ZBED3: variants seen among roughly 807,000 people sequenced by gnomAD.
The protein encoded by ZBED3 is zinc finger BED domain-containing protein 3.
For synonymous variants in ZBED3, 175 were observed against 180.0 expected (o/e 0.97, Z 0.22); for missense variants, 388 against 362.9 (o/e 1.07, Z -0.56).
At chr5:77,084,838 C>T (rs888236098) in intron 1 of ZBED3, among the ~76,000 whole-genome samples, 2 of 152,212 alleles carry the variant, frequency 1.3e-5, no homozygotes, top group African/African-American at 4.8e-5. Flanking sequence ...TCCAGTTCCT[C>T]AGTTGTATAA....
intron 1 of ZBED3, chr5:77,086,737 C>A (rs1743249672): frequency 6.6e-6 from 1 of 152,218 alleles, no homozygotes; most frequent in Admixed American, 6.5e-5. Context: ...GTCCCAGTTA[C>A]AGAAAGAACC....
In ZBED3 at chr5:77,074,549, T is replaced by TG. The variant is rs1742938244; in HGVS notation, c.*2624dup. On this transcript the variant is annotated 3_prime_UTR_variant, in exon 3 of 3. Transcript: ENST00000255198. ...TACAAAATGGGCATAGTAGCACCTA[T>TG]GTCATAGGGTTGCTTTATGGCAGGT... 2.6e-5 allele frequency: 4 copies of TG among 152,346 alleles called. No individual in the cohort carries two copies. In the South Asian group the frequency reaches 8.3e-4, roughly 32 times the overall value. The allele number at this position is 152,346 out of a possible 1,614,324, so 9.4% of individuals were successfully genotyped here. A position where few individuals can be genotyped will look rare whatever the true frequency, so the allele number is the denominator to read the frequency against.
At position 77,074,130 on chromosome 5, in the gene ZBED3, CAGGATAGGGCATATGT is replaced by C. The variant is rs1197691986; in HGVS notation, c.*3028_*3043del. ...GGAAGAACAGAGTCCAATTTGGCTG[CAGGATAGGGCATATGT>C]AGGGGAGGGGATAAGACTGGCATGG... On this transcript the variant is annotated 3_prime_UTR_variant, in exon 3 of 3. Coordinates refer to ENST00000255198, the MANE Select transcript of ZBED3 (RefSeq NM_032367.4). 6.6e-6 allele frequency: 1 copy of C among 152,058 alleles called. No homozygotes were observed. The highest frequency in any genetic ancestry group is 1.5e-5 in the Non-Finnish European group (1 of 68,056). The allele number at this position is 152,058 out of a possible 1,614,324, so 9.4% of individuals were successfully genotyped here.
At chr5:77,080,374 G>C (rs574563947) in intron 1 of ZBED3, 2 of 424,716 alleles carry the variant, frequency 4.7e-6, no homozygotes, top group South Asian at 1.8e-5. Flanking sequence ...CACTGACTTC[G>C]ATGTCTTAAT....
Position 77,075,829 on chromosome 5 carries a change from G to A in ZBED3, c.*1345C>T, listed in dbSNP as rs964536326. On this transcript the variant is annotated 3_prime_UTR_variant, in exon 3 of 3. Coordinates refer to ENST00000255198, the MANE Select transcript of ZBED3 (RefSeq NM_032367.4). The stretch of plus-strand genomic sequence containing the variant: ...TTTCAAGGGAGAGATTAAGCAAAAT[G>A]AAGGCTGCAAATAGATCATCATATT... 4 of 150,286 alleles carry A rather than the reference G, an allele frequency of 2.7e-5. No homozygotes were observed. The highest frequency in any genetic ancestry group is 5.9e-5 in the Non-Finnish European group (4 of 67,666). 9.3% of individuals were successfully genotyped at this position (150,286 alleles called of 1,614,324 possible).
At position 77,072,538 on chromosome 5, in the gene ZBED3, A is replaced by T. The variant is rs1175261491; in HGVS notation, c.*4636T>A. 2 of 152,224 alleles carry T rather than the reference A, an allele frequency of 1.3e-5. No individual in the cohort carries two copies. The highest frequency in any genetic ancestry group is 2.9e-5 in the Non-Finnish European group (2 of 68,048). The allele number at this position is 152,224 out of a possible 1,614,324, so 9.4% of individuals were successfully genotyped here. On this transcript the variant is annotated 3_prime_UTR_variant, in exon 3 of 3. Transcript: ENST00000255198. ...AGAAATGTTGAAGCATTTTGGGAAT[A>T]ACTGTATAGTCTTCCAGGTCTTCTA...
intron 2 of ZBED3, among the ~76,000 whole-genome samples, chr5:77,078,118 C>G (rs1045584444): frequency 6.6e-6 from 1 of 152,188 alleles, no homozygotes; most frequent in African/African-American, 2.4e-5. Context: ...ACTAGGAATC[C>G]TCTTTGAAAT....
chr5:77,083,753 C>A (rs1743177950), intron 1 of ZBED3, among the ~76,000 whole-genome samples: 1 of 152,114 alleles, frequency 6.6e-6, no homozygotes, highest in African/African-American at 2.4e-5. Context: ...GAATTGACTA[C>A]AAAGAGCAAA....
In ZBED3 at chr5:77,081,342, T is replaced by C. The variant is rs568180323; in HGVS notation, c.-152-2614A>G. Among the ~76,000 whole-genome samples the C allele has an allele frequency of 1.1e-3, 161 of 146,068 alleles. 4 individuals carry two copies. Among genetic ancestry groups the C allele is most frequent in the South Asian group, 4.5e-3 (21 of 4,714 alleles). ...GGCCATTTCTTTTCTTTCTTTCTTT[T>C]TTTTTTTTTTTTAATTTTTTTTAAG... On this transcript the variant is annotated intron_variant, in intron 1 of 2. Transcript: ENST00000255198.
In ZBED3 at chr5:77,077,786, C is replaced by A. The variant is rs977356112; in HGVS notation, c.93G>T (p.Pro31=). ...GGCCGGGAGGCGTCGGCGTCGGCGC[C>A]GGCCCCAGTCCCGGACACTGACCGC... ...ARGGQCPGLG[P]APTPTPPGRL... Residue 31 remains proline, a synonymous_variant, in exon 3 of 3, where the codon CCG becomes CCT. Transcript: ENST00000255198. 6.1e-6 allele frequency: 8 copies of A among 1,317,006 alleles called. No individual in the cohort carries two copies. The African/African-American group carries it at 1.1e-4, about 18-fold the overall frequency. 81.6% of individuals were successfully genotyped at this position (1,317,006 alleles called of 1,614,324 possible).
Position 77,077,487 on chromosome 5 carries a change from C to T in ZBED3, c.392G>A (p.Arg131His), listed in dbSNP as rs1214598709. ...PAAAPEGDWA[R>H]LLEQMGALAV... Reference sequence around the variant, plus strand: ...CAGCGCGCCCATCTGTTCCAGCAGGCGCGCCCAGTCGCCCTCGGGGGCCGC... The same window carrying T: ...CAGCGCGCCCATCTGTTCCAGCAGGTGCGCCCAGTCGCCCTCGGGGGCCGC... Residue 131 changes from arginine (R) to histidine (H), a missense_variant, in exon 3 of 3, where the codon CGC (arginine) becomes CAC (histidine). By Grantham distance (29) the Arg-to-His change is conservative. Coordinates refer to ENST00000255198, the MANE Select transcript of ZBED3 (RefSeq NM_032367.4). 5 of 1,187,626 alleles carry T rather than the reference C, an allele frequency of 4.2e-6. No homozygotes were observed. In the East Asian group the frequency reaches 1.1e-4, roughly 27 times the overall value. The allele number at this position is 1,187,626 out of a possible 1,614,324, so 73.6% of individuals were successfully genotyped here.
chr5:77,080,519 T>C, intron 1 of ZBED3: 1 of 519,094 alleles, frequency 1.9e-6, no homozygotes, highest in Admixed American at 1.9e-5. Flanking sequence ...TTGGAGGTCT[T>C]AACCGGTGGA....
At position 77,077,744 on chromosome 5, in the gene ZBED3, G is replaced by C; in HGVS notation, c.135C>G (p.Tyr45Ter). The C allele has an allele frequency of 7.5e-7, 1 of 1,333,744 alleles. No individual in the cohort carries two copies. The highest frequency in any genetic ancestry group is 1.9e-5 in the South Asian group (1 of 51,836). 82.6% of individuals were successfully genotyped at this position (1,333,744 alleles called of 1,614,324 possible). Residue 45 changes from tyrosine to a stop codon, truncating the protein, a stop_gained, in exon 3 of 3, where the codon TAC becomes TAG. Transcript: ENST00000255198. LOFTEE classifies it low-confidence loss of function (END_TRUNC). Reference sequence around the variant, plus strand: ...GGTGGAAGTAGCCCCAGGCCTCGGAGTATGGCGCCCCCAGGCGGCCGGGAG... The same window carrying C: ...GGTGGAAGTAGCCCCAGGCCTCGGACTATGGCGCCCCCAGGCGGCCGGGAG... The part of the protein sequence containing the change: ...PTPPGRLGAP[Y>*]SEAWGYFHLA...
chr5:77,086,641 GA>G, intron 1 of ZBED3: 1 of 150,276 alleles, frequency 6.7e-6, no homozygotes, highest in East Asian at 2.0e-4. Flanking sequence ...TGGGGGCCAT[GA>G]GGGGTGGGGG....
In ZBED3 at chr5:77,077,363, C is replaced by T. The variant is rs1743035539; in HGVS notation, c.516G>A (p.Gln172=). Reference sequence around the variant, plus strand: ...CCTGGGCCGCGGCGCGCTCTTCCTCCTGCAGCGCCCTCCGCCTCCGCTCCA... The same window carrying T: ...CCTGGGCCGCGGCGCGCTCTTCCTCTTGCAGCGCCCTCCGCCTCCGCTCCA... ...RALERRRRAL[Q]EEERAAAQAR... The change falls in exon 3 of 3, where the codon CAG becomes CAA. Residue 172 remains glutamine, a synonymous_variant. Transcript: ENST00000255198. 1.6e-6 allele frequency: 2 copies of T among 1,256,082 alleles called. No homozygotes were observed. The highest frequency in any genetic ancestry group is 1.0e-6 in the Non-Finnish European group (1 of 1,003,176). 77.8% of individuals were successfully genotyped at this position (1,256,082 alleles called of 1,614,324 possible). A position where few individuals can be genotyped will look rare whatever the true frequency, so the allele number is the denominator to read the frequency against.
At chr5:77,080,652 C>T (rs1743109829) in intron 1 of ZBED3, 4 of 505,974 alleles carry the variant, frequency 7.9e-6, no homozygotes, top group East Asian at 5.5e-5. Context: ...GGCCACAGGC[C>T]GTAACAGCCT....
chr5:77,082,578 C>T (rs1743150945), intron 1 of ZBED3, among the ~76,000 whole-genome samples: 1 of 152,178 alleles, frequency 6.6e-6, no homozygotes, highest in South Asian at 2.1e-4. Flanking sequence ...AAGAGAGATG[C>T]AGAAGAGTGT....
rs974730548 is a variant in ZBED3, at chr5:77,087,249, T to G, written c.-291A>C. 2 of 152,332 alleles carry G rather than the reference T, an allele frequency of 1.3e-5. No individual in the cohort carries two copies. Among genetic ancestry groups the G allele is most frequent in the African/African-American group, 4.8e-5 (2 of 41,466 alleles). The allele number at this position is 152,332 out of a possible 1,614,324, so 9.4% of individuals were successfully genotyped here. A position where few individuals can be genotyped will look rare whatever the true frequency, so the allele number is the denominator to read the frequency against. On this transcript the variant is annotated 5_prime_UTR_variant, in exon 1 of 3. An upstream start codon of the reference 5' UTR is lost. Coordinates refer to ENST00000255198, the MANE Select transcript of ZBED3 (RefSeq NM_032367.4). ...TGCCCCTTAAAGACACAGCGCTGCA[T>G]TCACACGTCTGCGGGGAAAGGGGGG...
At chr5:77,087,054 G>C (rs1373555167) in intron 1 of ZBED3, 57 bp downstream of exon 1, 1 of 152,288 alleles carries the variant, frequency 6.6e-6, no homozygotes, top group Non-Finnish European at 1.5e-5. Context: ...GCTCACCTGC[G>C]CTCCCCGCTG....
Sources: gnomAD v4.1 joint callset for allele counts (sites outside exome capture counted in the v4.1 genomes callset) on GRCh38, gnomAD v4.1.1 for gene constraint, MANE v1.5 for transcripts, NCBI Gene and HGNC (gene_info 2026-07-23, HGNC 2026-07-21) for gene names.